MYT1L: variants seen among roughly 807,000 people sequenced by gnomAD.
MYT1L encodes the protein myelin transcription factor 1 like, also known as myelin transcription factor 1-like protein.
Under a neutral mutation model 126.7 loss-of-function variants are expected in MYT1L, and 12 were observed. The observed-to-expected ratio is 0.09, with a 90% CI of 0.06 to 0.15. The LOEUF (loss-of-function observed/expected upper bound fraction) is 0.15, where lower values mean the gene tolerates loss of function less well. Among genes scored for constraint, MYT1L ranks in the 10% least tolerant of loss-of-function variants. The pLI, the probability that MYT1L is intolerant of heterozygous loss-of-function variation, is 1.00. For synonymous variants in MYT1L, 541 were observed against 604.2 expected (o/e 0.90, Z 1.53); for missense variants, 979 against 1,585.2 (o/e 0.62, Z 6.49).
chr2:1,911,706 A>G (rs767362411), intron 12 of MYT1L, among the ~76,000 whole-genome samples: 10 of 152,140 alleles, frequency 6.6e-5, no homozygotes, highest in Non-Finnish European at 1.0e-4. Flanking sequence ...TCCAATGAAC[A>G]CTAGGACAGC....
At chr2:2,044,013 A>G (rs2067863648) in intron 4 of MYT1L, among the ~76,000 whole-genome samples, 3 of 152,180 alleles carry the variant, frequency 2.0e-5, no homozygotes, top group African/African-American at 7.2e-5. Flanking sequence ...AGAGAGTTCA[A>G]AAGGTACTTT....
intron 2 of MYT1L, among the ~76,000 whole-genome samples, chr2:2,265,089 G>A (rs1315161028): frequency 2.0e-5 from 3 of 150,768 alleles, no homozygotes. Flanking sequence ...GTGCAGTGGT[G>A]TGATAATGGC....
At chr2:2,180,971 C>A (rs2091416737) in intron 2 of MYT1L, among the ~76,000 whole-genome samples, 2 of 135,004 alleles carry the variant, frequency 1.5e-5, no homozygotes, top group South Asian at 4.7e-4. Context: ...TGTAACCGTA[C>A]CTGTGTGTGT....
intron 4 of MYT1L, among the ~76,000 whole-genome samples, chr2:2,037,680 CGGGAG>C (rs2067019916): frequency 6.6e-6 from 1 of 151,178 alleles, no homozygotes. Context: ...CACTTGAGCC[CGGGAG>C]GTGGAGGTTG....
chr2:2,149,330 G>A (rs1172842245), intron 3 of MYT1L, among the ~76,000 whole-genome samples: 2 of 152,180 alleles, frequency 1.3e-5, no homozygotes, highest in African/African-American at 4.8e-5. Flanking sequence ...AACACCAAGT[G>A]GGAAGGCAAT....
At chr2:1,886,451 T>G in intron 18 of MYT1L, 88 bp downstream of exon 18, 1 of 998,946 alleles carries the variant, frequency 1.0e-6, no homozygotes, top group Non-Finnish European at 1.4e-6. Flanking sequence ...TTAACAGACA[T>G]TTTTCTTTGC....
intron 2 of MYT1L, among the ~76,000 whole-genome samples, chr2:2,240,918 GAAT>G (rs1298521953): frequency 3.9e-5 from 6 of 152,154 alleles, no homozygotes. Flanking sequence ...ACCACAATCA[GAAT>G]AATGCCCTGA....
At chr2:1,967,085 A>T (rs2059423618) in intron 8 of MYT1L, among the ~76,000 whole-genome samples, 1 of 152,208 alleles carries the variant, frequency 6.6e-6, no homozygotes, top group African/African-American at 2.4e-5. Flanking sequence ...GACAACAGAT[A>T]CTAATAACAG....
intron 4 of MYT1L, among the ~76,000 whole-genome samples, chr2:2,018,561 C>T (rs1396892193): frequency 6.6e-6 from 1 of 152,226 alleles, no homozygotes; most frequent in African/African-American, 2.4e-5. Flanking sequence ...TGAGGCCCGG[C>T]CAGGCCGCTC....
Position 2,149,196 on chromosome 2 carries a change from CAT to C in MYT1L, c.-304+23674_-304+23675del, listed in dbSNP as rs1348745264. Among the ~76,000 whole-genome samples the C allele has an allele frequency of 2.0e-5, 3 of 152,218 alleles. No homozygotes were observed. In the East Asian group the frequency reaches 5.8e-4, roughly 29 times the overall value. ...TTCTTCAGCAGAGCAAGTTCAATAA[CAT>C]ATAAAAATCATGTAAAATTATCCTT... On this transcript the variant is annotated intron_variant, in intron 3 of 24. Transcript: ENST00000647738.
In MYT1L at chr2:1,922,159, C is replaced by G; in HGVS notation, c.1483+127G>C. 8.1e-7 allele frequency: 1 copy of G among 1,233,948 alleles called. No homozygotes were observed. The highest frequency in any genetic ancestry group is 1.1e-6 in the Non-Finnish European group (1 of 904,110). 76.4% of individuals were successfully genotyped at this position (1,233,948 alleles called of 1,614,324 possible). The stretch of plus-strand genomic sequence containing the variant: ...TAATCACAAAATATCCTTCTGGAAT[C>G]AACTCTAAGAATGTGCAGTAGAGAC... On this transcript the variant is annotated intron_variant, in intron 10 of 24. Transcript: ENST00000647738. The surrounding 1 kb of genome is among the most constrained non-coding windows in gnomAD (Gnocchi z 7.4).
intron 3 of MYT1L, among the ~76,000 whole-genome samples, chr2:2,080,372 T>C (rs2075691286): frequency 6.6e-6 from 1 of 152,110 alleles, no homozygotes; most frequent in Non-Finnish European, 1.5e-5. Context: ...AAGGCCACCA[T>C]CATGAAAATG....
intron 9 of MYT1L, among the ~76,000 whole-genome samples, chr2:1,923,975 TGAGA>T (rs1172160993): frequency 6.6e-6 from 1 of 151,940 alleles, no homozygotes; most frequent in Non-Finnish European, 1.5e-5. Flanking sequence ...GGTTTGAAAG[TGAGA>T]GAGAGAGAAA....
Position 1,791,853 on chromosome 2 carries a change from A to T in MYT1L, c.*14T>A, listed in dbSNP as rs549304346. 1.3e-5 allele frequency: 20 copies of T among 1,541,862 alleles called. No individual in the cohort carries two copies. In the East Asian group the frequency reaches 4.2e-4, roughly 32 times the overall value. On this transcript the variant is annotated 3_prime_UTR_variant, in exon 25 of 25. Transcript: ENST00000647738. This position sits in a 1 kb window ranked among gnomAD's most constrained non-coding sequence, Gnocchi z 6.0. ...ATCCTTTTTAAGCAAGAGTTTCATC[A>T]CTACAGCAGCTGTTCAGACCTGAAT... is the stretch of plus-strand genomic sequence containing the variant.
intron 3 of MYT1L, among the ~76,000 whole-genome samples, chr2:2,120,186 T>G (rs1032431477): frequency 6.6e-6 from 1 of 152,156 alleles, no homozygotes; most frequent in African/African-American, 2.4e-5. Context: ...TCAGCTGAGT[T>G]TTCTATGAGG....
chr2:2,040,850 ATAAT>A (rs1369969951), intron 4 of MYT1L, among the ~76,000 whole-genome samples: 1 of 152,236 alleles, frequency 6.6e-6, no homozygotes, highest in African/African-American at 2.4e-5. Flanking sequence ...TTAAAAAACT[ATAAT>A]TAACTGGTTT....
chr2:2,136,381 T>C (rs1396744150), intron 3 of MYT1L, among the ~76,000 whole-genome samples: 1 of 152,210 alleles, frequency 6.6e-6, no homozygotes, highest in African/African-American at 2.4e-5. Flanking sequence ...TCAGGTCTGA[T>C]ATCCAGGAAA....
chr2:1,941,802 G>GT (rs1432189300), intron 9 of MYT1L, among the ~76,000 whole-genome samples: 1 of 152,092 alleles, frequency 6.6e-6, no homozygotes, highest in African/African-American at 2.4e-5. Flanking sequence ...GTACATGTAA[G>GT]TAAGTGATGG....
At chr2:2,195,482 A>G (rs1039796275) in intron 2 of MYT1L, among the ~76,000 whole-genome samples, 17 of 152,212 alleles carry the variant, frequency 1.1e-4, no homozygotes, top group East Asian at 1.9e-4. Flanking sequence ...AGAAGATAAT[A>G]TAATACAGAG....
Sources: gnomAD v4.1 joint callset for allele counts (sites outside exome capture counted in the v4.1 genomes callset) on GRCh38, gnomAD v4.1.1 for gene constraint, Gnocchi (gnomAD v3.1) non-coding constraint, MANE v1.5 for transcripts, NCBI Gene and HGNC (gene_info 2026-07-23, HGNC 2026-07-21) for gene names.